Variants in PCDHGA10 observed in about 807,000 individuals in gnomAD.
PCDHGA10 encodes the protein protocadherin gamma subfamily A, 10.
A neutral mutation model predicts 59.5 loss-of-function variants in PCDHGA10; 42 were observed. The observed-to-expected ratio is 0.71, with a 90% CI of 0.55 to 0.91. The LOEUF is 0.91. Among genes scored for constraint, PCDHGA10 ranks in the 40% least tolerant of loss-of-function variants. The pLI, the probability that PCDHGA10 is intolerant of heterozygous loss-of-function variation, is 0.00. For missense variants in PCDHGA10, 1,111 were observed against 1,198.2 expected (o/e 0.93, Z 1.07); for synonymous variants, 511 against 517.2 (o/e 0.99, Z 0.16).
intron 1 of PCDHGA10, among the ~76,000 whole-genome samples, chr5:141,459,937 G>A (rs904431112): frequency 6.6e-6 from 1 of 152,132 alleles, no homozygotes; most frequent in Non-Finnish European, 1.5e-5. Flanking sequence ...TTGTAGCTGG[G>A]CGTGATGGCA....
At chr5:141,497,092 G>C (rs2099773958) in intron 2 of PCDHGA10, among the ~76,000 whole-genome samples, 1 of 152,092 alleles carries the variant, frequency 6.6e-6, no homozygotes, top group Admixed American at 6.5e-5. Flanking sequence ...AGGAGGCTGA[G>C]GCAGAACTGC....
chr5:141,460,556 T>C (rs762545295), intron 1 of PCDHGA10, among the ~76,000 whole-genome samples: 10 of 152,152 alleles, frequency 6.6e-5, no homozygotes, highest in Admixed American at 3.3e-4. Context: ...CAAAAATCAT[T>C]TGGCCATGGA....
chr5:141,414,515 C>T lies in PCDHGA10; in HGVS notation c.1340C>T (p.Ala447Val). 6.2e-7 allele frequency: 1 copy of T among 1,613,958 alleles called. No homozygotes were observed. Among genetic ancestry groups the T allele is most frequent in the Non-Finnish European group, 8.5e-7 (1 of 1,179,898 alleles). The stretch of plus-strand genomic sequence containing the variant: ...GAAGCTCACTTTATGCTACAAGTGG[C>T]AGATATCAATGACAACCCACCTACC... Reference protein sequence around the residue: ...STEAHFMLQVADINDNPPTFS... With the variant: ...STEAHFMLQVVDINDNPPTFS... Residue 447 changes from alanine (A) to valine (V), a missense_variant, in exon 1 of 4, where the codon GCA becomes GTA. Ala to Val is a moderately conservative substitution (Grantham distance 64). Transcript: ENST00000398610.
chr5:141,468,815 A>G (rs866523229), intron 1 of PCDHGA10, among the ~76,000 whole-genome samples: 7 of 151,958 alleles, frequency 4.6e-5, no homozygotes, highest in Middle Eastern at 3.4e-3. Context: ...GCAGTGAGCC[A>G]AGATCAAGCC....
intron 1 of PCDHGA10, chr5:141,421,909 C>T: frequency 1.9e-6 from 3 of 1,613,710 alleles, no homozygotes; most frequent in Non-Finnish European, 2.5e-6. Context: ...GGGCGCAGTT[C>T]CCATTCGTGT....
At position 141,491,299 on chromosome 5, in the gene PCDHGA10, C is replaced by T. The variant is rs777271881; in HGVS notation, c.2437-3508C>T. ...TGACTTCCTCATACACCCTCCTGAG[C>T]GTTCAGACCTTACCCTTTACCTCAT... On this transcript the variant is annotated intron_variant, in intron 1 of 3. Transcript: ENST00000398610. This position sits in a 1 kb window ranked among gnomAD's most constrained non-coding sequence, Gnocchi z 6.9. 3.7e-6 allele frequency: 6 copies of T among 1,614,068 alleles called. No individual in the cohort carries two copies. Among genetic ancestry groups the T allele is most frequent in the Non-Finnish European group, 5.1e-6 (6 of 1,179,896 alleles).
rs2233610 is a variant in PCDHGA10, at chr5:141,505,535, G to A, written c.2584+54G>A. ...AGTGGGAGACCTGGGGTTCTGGGGT[G>A]CATCTCACAGCCACCATGCCCACGG... is the stretch of plus-strand genomic sequence containing the variant. On this transcript the variant is annotated intron_variant, in intron 3 of 3. Transcript: ENST00000398610. 12 of 1,610,344 alleles carry A rather than the reference G, an allele frequency of 7.5e-6. No individual in the cohort carries two copies. The East Asian group carries it at 1.8e-4, about 24-fold the overall frequency.
chr5:141,509,224 T>G (rs1241668369), intron 3 of PCDHGA10, among the ~76,000 whole-genome samples: 3 of 152,176 alleles, frequency 2.0e-5, no homozygotes, highest in Non-Finnish European at 2.9e-5. Flanking sequence ...AATCCCTGGT[T>G]GATGTCCCAG....
intron 1 of PCDHGA10, chr5:141,421,199 A>C (rs991814876): frequency 2.0e-6 from 3 of 1,514,716 alleles, no homozygotes; most frequent in Non-Finnish European, 2.6e-6. Context: ...CAGCTCGAGA[A>C]ACCGCGGAAT....
intron 1 of PCDHGA10, among the ~76,000 whole-genome samples, chr5:141,468,247 C>T (rs925455907): frequency 6.7e-6 from 1 of 149,930 alleles, no homozygotes; most frequent in Non-Finnish European, 1.5e-5. Flanking sequence ...ATTGCCTGAA[C>T]CTGGGAGGCA....
At chr5:141,469,994 C>T (rs948868787) in intron 1 of PCDHGA10, among the ~76,000 whole-genome samples, 2 of 151,830 alleles carry the variant, frequency 1.3e-5, no homozygotes, top group Non-Finnish European at 1.5e-5. Flanking sequence ...AGCTGGTCGT[C>T]GTGGCACGCC....
Position 141,464,802 on chromosome 5 carries a change from A to G in PCDHGA10, c.2437-30005A>G, listed in dbSNP as rs545738780. ...TGCCCAGGCCAAATTGCAGTGATGC[A>G]GTCATAGCTCACTGTAGCCTCGCAC... On this transcript the variant is annotated intron_variant, in intron 1 of 3. Transcript: ENST00000398610. Among the ~76,000 whole-genome samples, 25 of 152,032 alleles carry G rather than the reference A, an allele frequency of 1.6e-4. No homozygotes were observed. In the East Asian group the frequency reaches 4.8e-3, roughly 29 times the overall value.
intron 3 of PCDHGA10, among the ~76,000 whole-genome samples, chr5:141,506,011 C>T (rs1209221520): frequency 6.6e-6 from 1 of 152,204 alleles, no homozygotes; most frequent in Non-Finnish European, 1.5e-5. Flanking sequence ...TCCTCTTTTG[C>T]TGCCCCTAAC....
intron 1 of PCDHGA10, among the ~76,000 whole-genome samples, chr5:141,425,040 A>G (rs2096853898): frequency 6.6e-6 from 1 of 152,182 alleles, no homozygotes; most frequent in South Asian, 2.1e-4. Flanking sequence ...TTAGTTGTAA[A>G]CTGACTATCT....
chr5:141,501,296 C>T (rs4912760), intron 2 of PCDHGA10, among the ~76,000 whole-genome samples: 1,659 of 80,026 alleles, frequency 0.021, 16 homozygotes, highest in African/African-American at 0.042. Flanking sequence ...CTTATACACA[C>T]ACACACACAC....
intron 1 of PCDHGA10, chr5:141,441,653 G>T: frequency 4.1e-6 from 1 of 243,884 alleles, no homozygotes; most frequent in Non-Finnish European, 8.2e-6. Context: ...GATTCTAGGT[G>T]TCCTTGAGCG....
At chr5:141,446,985 C>T (rs1411339328) in intron 1 of PCDHGA10, among the ~76,000 whole-genome samples, 1 of 152,064 alleles carries the variant, frequency 6.6e-6, no homozygotes, top group Non-Finnish European at 1.5e-5. Context: ...AATTCATACT[C>T]CACTCTTCAG....
At chr5:141,423,598 C>A in intron 1 of PCDHGA10, 1 of 1,612,940 alleles carries the variant, frequency 6.2e-7, no homozygotes, top group East Asian at 2.2e-5. Flanking sequence ...GAAAAGCGAG[C>A]CACTCTTGAT....
At position 141,414,719 on chromosome 5, in the gene PCDHGA10, C is replaced by T. The variant is rs1361757630; in HGVS notation, c.1544C>T (p.Thr515Ile). Residue 515 changes from threonine to isoleucine, a missense_variant, in exon 1 of 4, where the codon ACT becomes ATT. Physicochemically the swap from Thr to Ile is moderately conservative, Grantham distance 89. Transcript: ENST00000398610. ...TCATACATATCCATCAACTCAGACA[C>T]TGGCGTCCTGTATGCACTCAGATCC... ...LSSYISINSD[T>I]GVLYALRSFD... is the part of the protein sequence containing the mutation. The T allele has an allele frequency of 1.2e-6, 2 of 1,614,050 alleles. No individual in the cohort carries two copies. Among genetic ancestry groups the T allele is most frequent in the African/African-American group, 1.3e-5 (1 of 74,934 alleles).
Sources: allele counts gnomAD v4.1 joint callset (sites outside exome capture counted in the v4.1 genomes callset), GRCh38; gene constraint gnomAD v4.1.1; non-coding constraint Gnocchi (gnomAD v3.1); transcripts MANE v1.5; gene names NCBI Gene and HGNC (gene_info 2026-07-23, HGNC 2026-07-21).